PCDHAC1: variants seen among roughly 807,000 people sequenced by gnomAD.
The protein encoded by PCDHAC1 is protocadherin alpha-C1.
Under a neutral mutation model 60.0 loss-of-function variants are expected in PCDHAC1, and 42 were observed. The ratio of observed to expected loss-of-function variants is 0.70; its 90% confidence interval spans 0.55 to 0.90. The LOEUF is 0.90. Among genes scored for constraint, PCDHAC1 ranks in the 40% least tolerant of loss-of-function variants. The probability of loss-of-function intolerance (pLI) is 0.00; values close to 1 mark genes in which losing one functional copy is unlikely to be tolerated. For synonymous variants in PCDHAC1, 468 were observed against 499.3 expected (o/e 0.94, Z 0.84); for missense variants, 1,160 against 1,222.3 (o/e 0.95, Z 0.76).
chr5:140,969,110 C>T (rs1380719565), intron 1 of PCDHAC1: 5 of 1,614,064 alleles, frequency 3.1e-6, no homozygotes, highest in Non-Finnish European at 3.4e-6. Flanking sequence ...CATTGAAGTT[C>T]GAGGGAATGG....
chr5:140,929,180 G>C lies in PCDHAC1; in HGVS notation c.2288G>C (p.Gly763Ala), dbSNP rs782260576. The change falls in exon 1 of 4, where the codon GGT becomes GCT. Residue 763 changes from glycine (G) to alanine (A), a missense_variant. This residue lies in a region of PCDHAC1 where 1,113 missense variants were observed against 1,163.7 expected (regional missense o/e 0.96). Transcript: ENST00000253807. ...CTCTATCGGGCCTCTCTGGGACTTG[G>C]TTCTGATAATAACAGTTTGCTGTTG... The part of the protein sequence containing the change: ...TYLYRASLGL[G>A]SDNNSLLLRG... The C allele has an allele frequency of 2.7e-5, 44 of 1,614,150 alleles. No individual in the cohort carries two copies. Among genetic ancestry groups the C allele is most frequent in the Non-Finnish European group, 3.7e-5 (44 of 1,180,024 alleles).
At chr5:140,954,832 A>G (rs2095096599) in intron 1 of PCDHAC1, among the ~76,000 whole-genome samples, 1 of 152,208 alleles carries the variant, frequency 6.6e-6, no homozygotes, top group Admixed American at 6.5e-5. Flanking sequence ...CACTTTTGTC[A>G]TGAAATCTTT....
chr5:141,006,177 AAG>A (rs2098258661), intron 3 of PCDHAC1, among the ~76,000 whole-genome samples: 2 of 151,826 alleles, frequency 1.3e-5, no homozygotes, highest in African/African-American at 4.8e-5. Context: ...ATATTTTTAA[AAG>A]AGTTTGCTAT....
At chr5:140,955,155 C>T (rs1241099289) in intron 1 of PCDHAC1, among the ~76,000 whole-genome samples, 1 of 152,088 alleles carries the variant, frequency 6.6e-6, no homozygotes, top group Non-Finnish European at 1.5e-5. Context: ...GTACCAGTAC[C>T]GTGCTGTTTT....
chr5:141,011,084 C>A lies in PCDHAC1; in HGVS notation c.*1147C>A, dbSNP rs928216799. Reference sequence around the variant, plus strand: ...CATGTATTACTAAATAAAATGATCTCTCTTTCTCTCTCTCTCTCTCTTTTC... The same window carrying A: ...CATGTATTACTAAATAAAATGATCTATCTTTCTCTCTCTCTCTCTCTTTTC... On this transcript the variant is annotated 3_prime_UTR_variant, in exon 4 of 4. Transcript: ENST00000253807. 1.3e-5 allele frequency: 2 copies of A among 153,722 alleles called. No individual in the cohort carries two copies. The highest frequency in any genetic ancestry group is 2.9e-5 in the Non-Finnish European group (2 of 68,048). The allele number at this position is 153,722 out of a possible 1,614,324, so 9.5% of individuals were successfully genotyped here.
intron 1 of PCDHAC1, 78 bp from the exon 2 acceptor site, chr5:140,978,871 T>G: frequency 6.2e-7 from 1 of 1,606,510 alleles, no homozygotes; most frequent in Non-Finnish European, 8.5e-7. Context: ...TTTAAGGGAG[T>G]AACTAATCAA....
intron 1 of PCDHAC1, among the ~76,000 whole-genome samples, chr5:140,971,300 A>T (rs555201828): frequency 2.0e-5 from 3 of 152,380 alleles, no homozygotes; most frequent in African/African-American, 7.2e-5. Flanking sequence ...ACTTTGGTAC[A>T]CAAACATTTA....
chr5:140,927,713 A>G lies in PCDHAC1; in HGVS notation c.821A>G (p.Asn274Ser). 6.2e-7 allele frequency: 1 copy of G among 1,614,180 alleles called. No homozygotes were observed. The highest frequency in any genetic ancestry group is 8.5e-7 in the Non-Finnish European group (1 of 1,180,014). ...GGGGAAGTCCAGTACTCCCTAAGCA[A>G]CAGCACGCAAGCAGAGCTGCGACAC... ...SNGEVQYSLS[N>S]STQAELRHRF... Residue 274 changes from asparagine to serine, a missense_variant, in exon 1 of 4, where the codon AAC (asparagine) becomes AGC (serine). Transcript: ENST00000253807.
At chr5:140,967,876 G>C (rs369514758) in intron 1 of PCDHAC1, 1 of 1,614,144 alleles carries the variant, frequency 6.2e-7, no homozygotes, top group Non-Finnish European at 8.5e-7. Flanking sequence ...TCACGGACCT[G>C]TATAGCCCAG....
At position 140,982,527 on chromosome 5, in the gene PCDHAC1, G is replaced by A. The variant is rs2096986081; in HGVS notation, c.2545G>A (p.Asp849Asn). ...TCTACGGGCTGGTCCAGGAGGGCCT[G>A]ATCAGCAGTGGCCAACAGTATCCAG... is the stretch of plus-strand genomic sequence containing the variant. ...GILRAGPGGP[D>N]QQWPTVSSAT... is the part of the protein sequence containing the mutation. Residue 849 changes from aspartate to asparagine, a missense_variant, in exon 3 of 4, where the codon GAT becomes AAT. By Grantham distance (23) the Asp-to-Asn change is conservative. This residue lies in a region of PCDHAC1 where 1,113 missense variants were observed against 1,163.7 expected (regional missense o/e 0.96). Coordinates refer to ENST00000253807, the MANE Select transcript of PCDHAC1 (RefSeq NM_018898.5). 1 of 1,614,218 alleles carries A rather than the reference G, an allele frequency of 6.2e-7. No individual in the cohort carries two copies. Among genetic ancestry groups the A allele is most frequent in the Admixed American group, 1.7e-5 (1 of 60,034 alleles).
chr5:140,966,707 A>C, intron 1 of PCDHAC1: 1 of 1,379,868 alleles, frequency 7.2e-7, no homozygotes, highest in Non-Finnish European at 9.3e-7. Context: ...GGCGTGGGGC[A>C]CGGCTGGGGA....
chr5:140,993,631 G>A (rs1466996708), intron 3 of PCDHAC1, among the ~76,000 whole-genome samples: 2 of 152,162 alleles, frequency 1.3e-5, no homozygotes, highest in African/African-American at 2.4e-5. Context: ...ATATATAGTC[G>A]TGTACCAAAT....
intron 1 of PCDHAC1, among the ~76,000 whole-genome samples, chr5:140,941,255 CTCTT>C (rs1554214207): frequency 2.2e-4 from 10 of 44,514 alleles, no homozygotes; most frequent in East Asian, 7.5e-4. Flanking sequence ...TTCTTTCTTT[CTCTT>C]TCTTTCTTTC....
At chr5:140,953,025 G>A (rs1408416785) in intron 1 of PCDHAC1, among the ~76,000 whole-genome samples, 9 of 152,024 alleles carry the variant, frequency 5.9e-5, no homozygotes, top group African/African-American at 1.9e-4. Flanking sequence ...ACATTAAGGG[G>A]GAAATCCACC....
chr5:140,996,587 C>T (rs1260417239), intron 3 of PCDHAC1, among the ~76,000 whole-genome samples: 4 of 151,994 alleles, frequency 2.6e-5, no homozygotes, highest in South Asian at 2.1e-4. Context: ...TAACAAGGGC[C>T]GCCTCCCCCC....
At chr5:140,937,199 G>T (rs2091405017) in intron 1 of PCDHAC1, among the ~76,000 whole-genome samples, 1 of 151,792 alleles carries the variant, frequency 6.6e-6, no homozygotes, top group African/African-American at 2.4e-5. Flanking sequence ...CACCATGCCC[G>T]GCTAATTTTT....
intron 3 of PCDHAC1, among the ~76,000 whole-genome samples, chr5:141,006,952 A>G (rs2098296225): frequency 1.3e-5 from 2 of 152,212 alleles, no homozygotes; most frequent in South Asian, 4.1e-4. Flanking sequence ...ATAGGCAGTT[A>G]TACATGAGAT....
intron 3 of PCDHAC1, among the ~76,000 whole-genome samples, chr5:140,991,199 C>G (rs1554252002): frequency 6.6e-6 from 1 of 152,150 alleles, no homozygotes; most frequent in East Asian, 1.9e-4. Context: ...CAATGATGCT[C>G]AATAAATTTT....
intron 2 of PCDHAC1, among the ~76,000 whole-genome samples, chr5:140,980,645 G>A (rs1322302727): frequency 6.7e-6 from 1 of 149,206 alleles, no homozygotes; most frequent in African/African-American, 2.5e-5. Flanking sequence ...ATAAATAAAT[G>A]AATAAAATAA....
Sources: gnomAD v4.1 joint callset for allele counts (sites outside exome capture counted in the v4.1 genomes callset) on GRCh38, gnomAD v4.1.1 for gene constraint, gnomAD v4.1.1 regional missense constraint, MANE v1.5 for transcripts, NCBI Gene and HGNC (gene_info 2026-07-23, HGNC 2026-07-21) for gene names.